NBAS: variants seen among roughly 807,000 people sequenced by gnomAD.
The protein encoded by NBAS is NBAS subunit of NRZ tethering complex.
Under a neutral mutation model 302.5 loss-of-function variants are expected in NBAS, and 219 were observed. That is an observed-to-expected ratio of 0.72 (90% CI 0.65 to 0.81). The LOEUF (loss-of-function observed/expected upper bound fraction) is 0.81. Ranked by LOEUF, NBAS falls within the 30% of genes least tolerant of loss-of-function variation. The probability of loss-of-function intolerance (pLI) is 0.00; values close to 1 mark genes in which losing one functional copy is unlikely to be tolerated. For synonymous variants in NBAS, 1,118 were observed against 1,021.6 expected (o/e 1.09, Z -1.80); for missense variants, 2,932 against 2,841.6 (o/e 1.03, Z -0.72).
chr2:15,558,878 G>C (rs1664772901), intron 1 of NBAS, among the ~76,000 whole-genome samples: 1 of 151,904 alleles, frequency 6.6e-6, no homozygotes, highest in South Asian at 2.1e-4. Flanking sequence ...AGACCTGCCT[G>C]AGCAACGTGG....
intron 47 of NBAS, among the ~76,000 whole-genome samples, chr2:15,225,232 T>TCA (rs1426565585): frequency 6.6e-6 from 1 of 152,246 alleles, no homozygotes; most frequent in Non-Finnish European, 1.5e-5. Flanking sequence ...TTCCTGGGCT[T>TCA]CACTTATCAG....
intron 11 of NBAS, among the ~76,000 whole-genome samples, chr2:15,491,363 C>T (rs2148615842): frequency 6.6e-6 from 1 of 152,324 alleles, no homozygotes; most frequent in South Asian, 2.1e-4. Context: ...AAGTTCCTCC[C>T]AATTTACTGC....
At chr2:15,323,089 T>C (rs952762759) in intron 38 of NBAS, among the ~76,000 whole-genome samples, 3 of 152,138 alleles carry the variant, frequency 2.0e-5, no homozygotes, top group Admixed American at 6.5e-5. Context: ...TAAAATCAGA[T>C]TGTCAGAAAA....
the NBAS span, among the ~76,000 whole-genome samples, chr2:15,138,978 A>T: frequency 1.3e-5 from 2 of 151,900 alleles, no homozygotes; most frequent in South Asian, 4.2e-4. Flanking sequence ...TGTCAAACAC[A>T]TTTTTTTTAC....
At chr2:15,062,335 C>T in the NBAS span, among the ~76,000 whole-genome samples, 4,270 of 152,208 alleles carry the variant, frequency 0.028, 202 homozygotes, top group African/African-American at 0.097. Flanking sequence ...AAAATGTAGT[C>T]GGTCAAGCTG....
At chr2:15,384,410 T>C (rs1295485416) in intron 28 of NBAS, among the ~76,000 whole-genome samples, 1 of 152,190 alleles carries the variant, frequency 6.6e-6, no homozygotes, top group African/African-American at 2.4e-5. Context: ...TGCTCCTAAA[T>C]ATAAGAATAA....
the NBAS span, among the ~76,000 whole-genome samples, chr2:14,888,676 A>G: frequency 6.6e-6 from 1 of 152,196 alleles, no homozygotes; most frequent in Non-Finnish European, 1.5e-5. Context: ...AAAGGGGTCC[A>G]TGAAGTTCAA....
At chr2:15,014,365 T>G in the NBAS span, among the ~76,000 whole-genome samples, 1 of 152,146 alleles carries the variant, frequency 6.6e-6, no homozygotes, top group East Asian at 1.9e-4. Context: ...TTCTCCAGAA[T>G]GAAACATATT....
chr2:14,821,206 T>C, the NBAS span, among the ~76,000 whole-genome samples: 47 of 152,092 alleles, frequency 3.1e-4, no homozygotes, highest in Admixed American at 3.3e-4. Context: ...ATTACAGGCG[T>C]GAGCCACCGC....
rs143753103 is a variant in NBAS, at chr2:15,560,201, T to C, written c.117+987A>G. On this transcript the variant is annotated intron_variant, in intron 1 of 51. Transcript: ENST00000281513. Reference sequence around the variant, plus strand: ...TGGGTCTAAAACAGTAACTGGCACGTGTTAAGCACTCAATAAATATCTGTT... The same window carrying C: ...TGGGTCTAAAACAGTAACTGGCACGCGTTAAGCACTCAATAAATATCTGTT... 1.3e-3 allele frequency among the ~76,000 whole-genome samples: 201 copies of C among 152,238 alleles called. 1 individual carries two copies. The highest frequency in any genetic ancestry group is 4.7e-3 in the African/African-American group (196 of 41,542).
chr2:15,398,459 T>C (rs1675984838), intron 26 of NBAS, among the ~76,000 whole-genome samples: 1 of 152,176 alleles, frequency 6.6e-6, no homozygotes, highest in African/African-American at 2.4e-5. Flanking sequence ...GAAATTATCA[T>C]TTTACAGCTC....
downstream of NBAS, among the ~76,000 whole-genome samples, chr2:15,163,630 T>C (rs4668879): frequency 0.23 from 34,501 of 152,062 alleles, 4,364 homozygotes; most frequent in East Asian, 0.47. Context: ...AATCTTATTC[T>C]AGTAACCTAA....
the NBAS span, among the ~76,000 whole-genome samples, chr2:14,915,707 C>T: frequency 6.6e-6 from 1 of 152,284 alleles, no homozygotes; most frequent in South Asian, 2.1e-4. Context: ...GGACTACAGG[C>T]ACCTGCCACC....
At chr2:15,303,634 G>T (rs753713001) in intron 40 of NBAS, among the ~76,000 whole-genome samples, 3 of 152,166 alleles carry the variant, frequency 2.0e-5, no homozygotes, top group Non-Finnish European at 2.9e-5. Context: ...AAGGTGGGAT[G>T]GAATGTAATG....
chr2:15,382,654 G>A (rs1675097594), intron 29 of NBAS, among the ~76,000 whole-genome samples: 1 of 152,170 alleles, frequency 6.6e-6, no homozygotes, highest in Non-Finnish European at 1.5e-5. Context: ...TAGGGTACAT[G>A]GTGGACAGTG....
chr2:14,892,820 T>A, the NBAS span, among the ~76,000 whole-genome samples: 1 of 152,194 alleles, frequency 6.6e-6, no homozygotes, highest in Non-Finnish European at 1.5e-5. Flanking sequence ...TGGATTCGAT[T>A]TTTATCATCT....
chr2:15,111,146 A>C, the NBAS span, among the ~76,000 whole-genome samples: 1 of 152,128 alleles, frequency 6.6e-6, no homozygotes, highest in Admixed American at 6.6e-5. Context: ...ATTCTTTTCT[A>C]CCATAATGAG....
chr2:15,526,168 G>T (rs1330494449), intron 9 of NBAS, among the ~76,000 whole-genome samples: 2 of 152,278 alleles, frequency 1.3e-5, no homozygotes, highest in South Asian at 2.1e-4. Context: ...GTTGGGGTAG[G>T]TTGAAGAAAG....
the NBAS span, among the ~76,000 whole-genome samples, chr2:15,036,260 C>T: frequency 6.6e-6 from 1 of 152,194 alleles, no homozygotes; most frequent in Non-Finnish European, 1.5e-5. Context: ...CTAGCAGAGT[C>T]ATTGGTATAA....
Sources: gnomAD v4.1 joint callset for allele counts (sites outside exome capture counted in the v4.1 genomes callset) on GRCh38, gnomAD v4.1.1 for gene constraint, MANE v1.5 for transcripts, NCBI Gene and HGNC (gene_info 2026-07-23, HGNC 2026-07-21) for gene names.